FGF12: variants seen among roughly 807,000 people sequenced by gnomAD.
FGF12 encodes fibroblast growth factor 12B.
A neutral mutation model predicts 23.6 loss-of-function variants in FGF12; 14 were observed. That is an observed-to-expected ratio of 0.59 (90% CI 0.39 to 0.93). The LOEUF (loss-of-function observed/expected upper bound fraction) is 0.93. FGF12 is among the 40% of genes least tolerant of loss of function. The probability of loss-of-function intolerance (pLI) is 0.00; values close to 1 mark genes in which losing one functional copy is unlikely to be tolerated. For synonymous variants in FGF12, 62 were observed against 77.3 expected, an observed-to-expected ratio of 0.80 and a Z score of 1.04; for missense variants, 175 against 217.8, an observed-to-expected ratio of 0.80 and a Z score of 1.24.
intron 4 of FGF12, among the ~76,000 whole-genome samples, chr3:192,229,547 C>T (rs1718912817): frequency 2.0e-5 from 3 of 151,998 alleles, no homozygotes; most frequent in Admixed American, 2.0e-4. Flanking sequence ...TTTTAGAGTA[C>T]TGCTACCAGG....
intron 4 of FGF12, among the ~76,000 whole-genome samples, chr3:192,281,606 T>G (rs768028830): frequency 6.6e-6 from 1 of 152,112 alleles, no homozygotes; most frequent in Non-Finnish European, 1.5e-5. Flanking sequence ...CTGTAATGAC[T>G]TCACAGATGT....
At chr3:192,595,868 G>A (rs1024060931) in intron 2 of FGF12, among the ~76,000 whole-genome samples, 1 of 152,072 alleles carries the variant, frequency 6.6e-6, no homozygotes, top group Non-Finnish European at 1.5e-5. Flanking sequence ...GCTGAGGTGG[G>A]TGGATTACTT....
chr3:192,570,053 A>T (rs1482599552), intron 2 of FGF12, among the ~76,000 whole-genome samples: 1 of 152,194 alleles, frequency 6.6e-6, no homozygotes, highest in Non-Finnish European at 1.5e-5. Flanking sequence ...TAAGAACCAG[A>T]ATCTATAGGT....
chr3:192,725,427 C>A (rs900059710), intron 2 of FGF12, among the ~76,000 whole-genome samples: 5 of 152,048 alleles, frequency 3.3e-5, no homozygotes, highest in African/African-American at 1.2e-4. Flanking sequence ...AACTTCTGAA[C>A]TGATTCTTTT....
At chr3:192,449,642 C>CAGCAGAA (rs1157904115) in intron 2 of FGF12, among the ~76,000 whole-genome samples, 3 of 152,144 alleles carry the variant, frequency 2.0e-5, no homozygotes, top group African/African-American at 7.2e-5. Context: ...CAACAGTGCC[C>CAGCAGAA]AGCAGAAAAC....
chr3:192,529,868 C>A (rs1241087132), intron 2 of FGF12, among the ~76,000 whole-genome samples: 1 of 152,152 alleles, frequency 6.6e-6, no homozygotes, highest in African/African-American at 2.4e-5. Context: ...GTCCCTCCCA[C>A]AACATATGGG....
At chr3:192,668,985 G>A (rs1184383220) in intron 2 of FGF12, among the ~76,000 whole-genome samples, 1 of 152,132 alleles carries the variant, frequency 6.6e-6, no homozygotes, top group African/African-American at 2.4e-5. Context: ...TAAGAAAAAT[G>A]CAAAACGTGA....
At chr3:192,241,965 C>G (rs1006007815) in intron 4 of FGF12, among the ~76,000 whole-genome samples, 1 of 152,066 alleles carries the variant, frequency 6.6e-6, no homozygotes, top group African/African-American at 2.4e-5. Context: ...CTTTTAGAGA[C>G]AAATAATAAA....
chr3:192,626,520 T>C (rs533554451), intron 2 of FGF12, among the ~76,000 whole-genome samples: 3 of 152,298 alleles, frequency 2.0e-5, no homozygotes, highest in Admixed American at 6.5e-5. Flanking sequence ...ACTGTAGGCA[T>C]TTTGGATATA....
intron 2 of FGF12, among the ~76,000 whole-genome samples, chr3:192,702,356 T>C (rs1239892802): frequency 6.6e-6 from 1 of 152,232 alleles, no homozygotes; most frequent in African/African-American, 2.4e-5. Context: ...AGCTTTGTGA[T>C]CACAAACAAA....
At chr3:192,625,578 T>C (rs542276485) in intron 2 of FGF12, among the ~76,000 whole-genome samples, 1 of 152,280 alleles carries the variant, frequency 6.6e-6, no homozygotes, top group East Asian at 1.9e-4. Flanking sequence ...CAAACACTAA[T>C]GCTTTTCAGA....
At chr3:192,374,497 T>C (rs1340250305) in intron 2 of FGF12, among the ~76,000 whole-genome samples, 1 of 152,252 alleles carries the variant, frequency 6.6e-6, no homozygotes, top group South Asian at 2.1e-4. Flanking sequence ...AGATTTATTA[T>C]AGTTTTACCT....
chr3:192,555,696 G>T (rs1711739591), intron 2 of FGF12, among the ~76,000 whole-genome samples: 1 of 151,252 alleles, frequency 6.6e-6, no homozygotes, highest in African/African-American at 2.4e-5. Flanking sequence ...TAATCGGGAG[G>T]CTGAGGTGGG....
At chr3:192,194,779 C>T (rs55685187) in intron 4 of FGF12, among the ~76,000 whole-genome samples, 31,130 of 151,966 alleles carry the variant, frequency 0.2, 3,136 homozygotes, top group Middle Eastern at 0.24. Context: ...TTTAAATGTA[C>T]GCTTTTTTAG....
chr3:192,189,147 G>A (rs1716647332), intron 4 of FGF12, among the ~76,000 whole-genome samples: 1 of 152,112 alleles, frequency 6.6e-6, no homozygotes, highest in Non-Finnish European at 1.5e-5. Context: ...TCGGTTTCAT[G>A]GTATCTCCAG....
chr3:192,362,583 T>C (rs1399000125), intron 2 of FGF12, among the ~76,000 whole-genome samples: 2 of 152,200 alleles, frequency 1.3e-5, no homozygotes, highest in Non-Finnish European at 2.9e-5. Context: ...GACTCACCTA[T>C]AGATTTGAAC....
chr3:192,686,815 ATTTTTTTTTTT>A (rs57045697), intron 2 of FGF12, among the ~76,000 whole-genome samples: 19 of 61,434 alleles, frequency 3.1e-4, no homozygotes, highest in Non-Finnish European at 4.1e-4. Context: ...TTTTTCTCTA[ATTTTTTTTTTT>A]TTTTTTTTTT....
At chr3:192,596,512 T>G (rs1713860611) in intron 2 of FGF12, among the ~76,000 whole-genome samples, 1 of 152,180 alleles carries the variant, frequency 6.6e-6, no homozygotes, top group South Asian at 2.1e-4. Flanking sequence ...TGTGTATTAC[T>G]CTACTTTACA....
At chr3:192,578,214 A>G (rs1712990750) in intron 2 of FGF12, among the ~76,000 whole-genome samples, 1 of 152,248 alleles carries the variant, frequency 6.6e-6, no homozygotes, top group Non-Finnish European at 1.5e-5. Context: ...TTATGTAGCA[A>G]TCACAATGTG....
Sources: allele counts gnomAD v4.1 joint callset (sites outside exome capture counted in the v4.1 genomes callset), GRCh38; gene constraint gnomAD v4.1.1; transcripts MANE v1.5; gene names NCBI Gene and HGNC (gene_info 2026-07-23, HGNC 2026-07-21).